PDE1A: variants seen among roughly 807,000 people sequenced by gnomAD.
The protein encoded by PDE1A is phosphodiesterase 1A.
Under a neutral mutation model 61.7 loss-of-function variants are expected in PDE1A, and 35 were observed. The observed-to-expected ratio is 0.57, with a 90% CI of 0.43 to 0.75. The LOEUF is 0.75. Among genes scored for constraint, PDE1A ranks in the 30% least tolerant of loss-of-function variants. The probability of loss-of-function intolerance (pLI) is 0.00; values close to 1 mark genes in which losing one functional copy is unlikely to be tolerated. For missense variants in PDE1A, 597 were observed against 630.6 expected (o/e 0.95, Z 0.57); for synonymous variants, 232 against 213.2 (o/e 1.09, Z -0.77).
chr2:182,571,616 T>C, the PDE1A span, among the ~76,000 whole-genome samples: 2 of 152,074 alleles, frequency 1.3e-5, no homozygotes, highest in African/African-American at 4.8e-5. Context: ...TTTCCTGTTA[T>C]GTGAGAGCAA....
chr2:182,371,675 T>C (rs1700134636), intron 1 of PDE1A, among the ~76,000 whole-genome samples: 2 of 152,350 alleles, frequency 1.3e-5, no homozygotes, highest in East Asian at 3.9e-4. Flanking sequence ...GTAATAACCA[T>C]TTGTTTAGGT....
the PDE1A span, among the ~76,000 whole-genome samples, chr2:182,680,602 A>G: frequency 6.6e-6 from 1 of 152,342 alleles, no homozygotes; most frequent in Non-Finnish European, 1.5e-5. Context: ...AAGTGTATGT[A>G]GGAAAGATTG....
At chr2:182,281,647 T>C (rs1403685442) in intron 1 of PDE1A, among the ~76,000 whole-genome samples, 5 of 151,996 alleles carry the variant, frequency 3.3e-5, no homozygotes, top group Admixed American at 1.3e-4. Context: ...AGAAGAGAAC[T>C]GAAGAAATCA....
At chr2:182,693,637 CT>C in the PDE1A span, among the ~76,000 whole-genome samples, 46,100 of 122,978 alleles carry the variant, frequency 0.37, 4,499 homozygotes, top group South Asian at 0.45. Flanking sequence ...TGATAGTGTT[CT>C]TTTTTTTTTT....
At chr2:182,238,258 G>A (rs1690205203) in intron 3 of PDE1A, among the ~76,000 whole-genome samples, 1 of 71,386 alleles carries the variant, frequency 1.4e-5, no homozygotes, top group African/African-American at 8.0e-5. Context: ...GACAGAGCCA[G>A]ACTACGTCAA....
chr2:182,443,110 T>C (rs574844887), intron 2 of PDE1A, among the ~76,000 whole-genome samples: 8 of 151,964 alleles, frequency 5.3e-5, no homozygotes, highest in African/African-American at 1.2e-4. Context: ...ATACAACTCT[T>C]AACTCACATG....
chr2:182,693,262 T>C, the PDE1A span, among the ~76,000 whole-genome samples: 116 of 152,344 alleles, frequency 7.6e-4, 2 homozygotes, highest in Middle Eastern at 3.4e-3. Flanking sequence ...TGGTCACTTA[T>C]ATTCATTTAA....
the PDE1A span, among the ~76,000 whole-genome samples, chr2:182,567,783 CT>C: frequency 4.8e-5 from 7 of 145,270 alleles, no homozygotes; most frequent in South Asian, 4.4e-4. Context: ...CTTTTTTTTT[CT>C]TTTTTTCTTT....
At chr2:182,684,420 GA>G in the PDE1A span, among the ~76,000 whole-genome samples, 1 of 152,076 alleles carries the variant, frequency 6.6e-6, no homozygotes, top group Non-Finnish European at 1.5e-5. Flanking sequence ...CACCAAGAAA[GA>G]ACTCACTAGT....
intron 2 of PDE1A, among the ~76,000 whole-genome samples, chr2:182,489,206 A>C (rs369138284): frequency 1.4e-4 from 21 of 152,206 alleles, no homozygotes; most frequent in African/African-American, 4.6e-4. Context: ...CACAAGCCCT[A>C]GGGCCTGAGC....
chr2:182,575,882 T>C, the PDE1A span, among the ~76,000 whole-genome samples: 1 of 146,486 alleles, frequency 6.8e-6, no homozygotes, highest in Non-Finnish European at 1.5e-5. Context: ...GTTAATACTT[T>C]ATATATATAT....
At chr2:182,413,465 G>T (rs367675508) in intron 1 of PDE1A, among the ~76,000 whole-genome samples, 46 of 152,228 alleles carry the variant, frequency 3.0e-4, no homozygotes, top group African/African-American at 1.0e-3. Context: ...CTTGATAATT[G>T]TTTTGTTAAG....
At chr2:182,641,847 C>T in the PDE1A span, among the ~76,000 whole-genome samples, 2 of 152,298 alleles carry the variant, frequency 1.3e-5, no homozygotes, top group Non-Finnish European at 2.9e-5. Context: ...TGAAACAATA[C>T]ATGTCTTCAC....
At chr2:182,627,231 T>A in the PDE1A span, among the ~76,000 whole-genome samples, 1,164 of 25,854 alleles carry the variant, frequency 0.045, 1 homozygote, top group Admixed American at 0.069. Flanking sequence ...TAATATATTA[T>A]TTATATATAA....
At chr2:182,527,687 A>T (rs912446172), upstream of PDE1A, among the ~76,000 whole-genome samples, 1 of 152,116 alleles carries the variant, frequency 6.6e-6, no homozygotes, top group African/African-American at 2.4e-5. Flanking sequence ...TACATGTCTA[A>T]TATGGTTTGG....
the PDE1A span, among the ~76,000 whole-genome samples, chr2:182,567,351 G>T: frequency 6.6e-6 from 1 of 152,318 alleles, no homozygotes; most frequent in African/African-American, 2.4e-5. Context: ...AGAAAGGGAA[G>T]AAGATTTTAT....
At chr2:182,207,646 C>T (rs1687224652) in intron 7 of PDE1A, among the ~76,000 whole-genome samples, 1 of 152,152 alleles carries the variant, frequency 6.6e-6, no homozygotes, top group Non-Finnish European at 1.5e-5. Context: ...TTCAAGGCTG[C>T]AAAAATTTGC....
intron 1 of PDE1A, among the ~76,000 whole-genome samples, chr2:182,310,458 T>C (rs1695890701): frequency 6.6e-6 from 1 of 152,170 alleles, no homozygotes; most frequent in African/African-American, 2.4e-5. Context: ...GCAACTTTTT[T>C]TTCAGATTAA....
At chr2:182,156,563 G>A (rs1574511459) in intron 13 of PDE1A, among the ~76,000 whole-genome samples, 1 of 152,218 alleles carries the variant, frequency 6.6e-6, no homozygotes. Flanking sequence ...GTTGGGAAAT[G>A]TGGAGTAAAC....
Sources: allele counts gnomAD v4.1 joint callset (sites outside exome capture counted in the v4.1 genomes callset), GRCh38; gene constraint gnomAD v4.1.1; transcripts MANE v1.5; gene names NCBI Gene and HGNC (gene_info 2026-07-23, HGNC 2026-07-21).